Variants in CD84 observed in about 807,000 individuals in gnomAD.
CD84 encodes the protein SLAM family member 5.
Under a neutral mutation model 33.8 loss-of-function variants are expected in CD84, and 22 were observed. That is an observed-to-expected ratio of 0.65 (90% confidence interval 0.46 to 0.93). The LOEUF is 0.93. Among genes scored for constraint, CD84 ranks in the 40% least tolerant of loss-of-function variants. The pLI is 0.00. For synonymous variants in CD84, 154 were observed against 145.2 expected (o/e 1.06, Z -0.44); for missense variants, 400 against 397.6 (o/e 1.01, Z -0.05).
chr1:160,571,976 T>C (rs1005095006), intron 1 of CD84, among the ~76,000 whole-genome samples: 3 of 150,832 alleles, frequency 2.0e-5, no homozygotes, highest in Non-Finnish European at 4.5e-5. Context: ...TTAAGGAGGG[T>C]CACACCCTCA....
At chr1:160,560,173 G>A (rs1225538158) in intron 2 of CD84, among the ~76,000 whole-genome samples, 5 of 151,920 alleles carry the variant, frequency 3.3e-5, no homozygotes, top group South Asian at 2.1e-4. Flanking sequence ...CTCTCCACCC[G>A]AATTCCACAG....
At chr1:160,579,362 A>G in intron 1 of CD84, 30 bp downstream of exon 1, 1 of 1,612,908 alleles carries the variant, frequency 6.2e-7, no homozygotes, top group African/African-American at 1.3e-5. Context: ...ATGGAAAACT[A>G]GGAGGCGATC....
chr1:160,553,826 C>T lies in CD84; in HGVS notation c.640+69G>A, dbSNP rs2577388. ...ACATCTCCCTAGAGAATGTGGCCCA[C>T]GTTCAGACCTTGCAGCTCCTCAGAG... On this transcript the variant is annotated intron_variant, in intron 3 of 6. Transcript: ENST00000368054. 549 of 1,610,352 alleles carry T rather than the reference C, an allele frequency of 3.4e-4. 1 individual carries two copies. In the African/African-American group the frequency reaches 6.1e-3, roughly 18 times the overall value.
At chr1:160,576,160 C>CATACTTCCACAGGT (rs1294853811) in intron 1 of CD84, among the ~76,000 whole-genome samples, 11 of 152,224 alleles carry the variant, frequency 7.2e-5, no homozygotes, top group African/African-American at 2.6e-4. Context: ...GTTTTGTCAG[C>CATACTTCCACAGGT]ATACTTCCAC....
At chr1:160,548,898 C>T (rs748795134) in intron 6 of CD84, among the ~76,000 whole-genome samples, 1 of 152,092 alleles carries the variant, frequency 6.6e-6, no homozygotes, top group Non-Finnish European at 1.5e-5. Context: ...CGAATTTTAT[C>T]TCCTTCTAAG....
intron 6 of CD84, among the ~76,000 whole-genome samples, chr1:160,549,103 T>C (rs916384512): frequency 6.6e-6 from 1 of 152,100 alleles, no homozygotes; most frequent in African/African-American, 2.4e-5. Context: ...GTCCAGTCCA[T>C]TTGGCTTATC....
intron 2 of CD84, among the ~76,000 whole-genome samples, chr1:160,556,504 A>G (rs560109660): frequency 2.0e-5 from 3 of 152,380 alleles, no homozygotes; most frequent in African/African-American, 7.2e-5. Flanking sequence ...CTATGCTGGT[A>G]TGCACATTAA....
chr1:160,552,924 T>C, intron 4 of CD84: 1 of 610,376 alleles, frequency 1.6e-6, no homozygotes, highest in Non-Finnish European at 3.0e-6. Context: ...TACAGAATGA[T>C]CCAGAGGGAT....
chr1:160,553,126 G>A (rs1005221848), intron 4 of CD84: 2 of 623,042 alleles, frequency 3.2e-6, no homozygotes, highest in Non-Finnish European at 5.8e-6. Context: ...GCTTGTTCAT[G>A]TATGTACTAA....
rs1656360701 is a variant in CD84, at chr1:160,553,279, T to G, written c.760+99A>C. On this transcript the variant is annotated intron_variant, in intron 4 of 6. Transcript: ENST00000368054. ...GGAGATCGGAAAAAGGCAGATTCCC[T>G]GGAACAATGGGCCTTTCAGCTAAAC... The G allele has an allele frequency of 8.7e-6, 14 of 1,601,270 alleles. 1 individual carries two copies. The highest frequency in any genetic ancestry group is 1.2e-5 in the Non-Finnish European group (14 of 1,170,820).
intron 2 of CD84, among the ~76,000 whole-genome samples, chr1:160,560,170 C>T (rs1037352051): frequency 6.6e-6 from 1 of 152,142 alleles, no homozygotes; most frequent in African/African-American, 2.4e-5. Flanking sequence ...GAACTCTCCA[C>T]CCGAATTCCA....
chr1:160,574,712 A>G (rs1303632460), intron 1 of CD84, among the ~76,000 whole-genome samples: 1 of 152,084 alleles, frequency 6.6e-6, no homozygotes, highest in East Asian at 1.9e-4. Context: ...CTGGCCATGA[A>G]CCCCAGGGAA....
chr1:160,562,984 A>G (rs1261016175), intron 2 of CD84, among the ~76,000 whole-genome samples: 1 of 152,236 alleles, frequency 6.6e-6, no homozygotes, highest in Admixed American at 6.5e-5. Flanking sequence ...CAAACATGTG[A>G]AAAAAAGCTA....
In CD84 at chr1:160,548,193, A is replaced by G. The variant is rs1571342859; in HGVS notation, c.*63T>C. On this transcript the variant is annotated 3_prime_UTR_variant, in exon 7 of 7. Coordinates refer to ENST00000368054, the MANE Select transcript of CD84 (RefSeq NM_003874.4). ...AGTTGGGCAGAGAAGATCTGGATCC[A>G]GGGAACCTGCCAGTATTGGTGGTTG... The G allele has an allele frequency of 1.3e-6, 2 of 1,553,860 alleles. No homozygotes were observed. Among genetic ancestry groups the G allele is most frequent in the Admixed American group, 3.4e-5 (2 of 59,644 alleles).
Position 160,565,699 on chromosome 1 carries a change from C to T in CD84, c.93G>A (p.Gly31=), listed in dbSNP as rs758092991. The stretch of plus-strand genomic sequence containing the variant: ...GGAAAGTGACTGACTCTCCCAGAAT[C>T]CCATTCACTGTGAAGATTTCTGAGT... ...GKDSEIFTVN[G]ILGESVTFPV... Residue 31 remains glycine (G), a synonymous_variant, in exon 2 of 7, where the codon GGG becomes GGA. Transcript: ENST00000368054. 1.2e-6 allele frequency: 2 copies of T among 1,613,130 alleles called. No homozygotes were observed. Among genetic ancestry groups the T allele is most frequent in the South Asian group, 1.1e-5 (1 of 91,018 alleles).
intron 2 of CD84, among the ~76,000 whole-genome samples, chr1:160,555,227 G>T (rs1416565505): frequency 6.6e-6 from 1 of 151,856 alleles, no homozygotes; most frequent in Non-Finnish European, 1.5e-5. Context: ...GGGACTACAG[G>T]TGCCCACCAC....
At position 160,546,752 on chromosome 1, in the gene CD84, A is replaced by T. The variant is rs3733264; in HGVS notation, c.*1504T>A. The T allele has an allele frequency of 0.25, 43,617 of 173,704 alleles. 5,992 individuals are homozygous for T. Among genetic ancestry groups the T allele is most frequent in the Middle Eastern group, 0.33 (150 of 448 alleles). 10.8% of individuals were successfully genotyped at this position (173,704 alleles called of 1,614,324 possible). ...TCATAAGGTATTTTTCTGACTGTTC[A>T]TGCTATTACTTGCAGCTGCAGTTCA... On this transcript the variant is annotated 3_prime_UTR_variant, in exon 7 of 7. Coordinates refer to ENST00000368054, the MANE Select transcript of CD84 (RefSeq NM_003874.4).
rs569548203 is a variant in CD84, at chr1:160,553,601, C to T, written c.641-104G>A. The T allele has an allele frequency of 1.2e-4, 164 of 1,345,906 alleles. 3 individuals carry two copies. In the Middle Eastern group the frequency reaches 2.3e-3, roughly 19 times the overall value. The allele number at this position is 1,345,906 out of a possible 1,614,324, so 83.4% of individuals were successfully genotyped here. On this transcript the variant is annotated intron_variant, in intron 3 of 6. Coordinates refer to ENST00000368054, the MANE Select transcript of CD84 (RefSeq NM_003874.4). ...GGCATTATGAAAATTGGGTGCCCTCCGAAGGAGTGCCAAAGCTCCTAGGGA... is the reference window on the plus strand; with the variant it reads ...GGCATTATGAAAATTGGGTGCCCTCTGAAGGAGTGCCAAAGCTCCTAGGGA...
intron 2 of CD84, among the ~76,000 whole-genome samples, chr1:160,557,413 G>C (rs77425720): frequency 6.6e-6 from 1 of 152,190 alleles, no homozygotes; most frequent in Admixed American, 6.5e-5. Flanking sequence ...TTGGTGCTGG[G>C]AATACAGTGA....
Sources: allele counts gnomAD v4.1 joint callset (sites outside exome capture counted in the v4.1 genomes callset), GRCh38; gene constraint gnomAD v4.1.1; transcripts MANE v1.5; gene names NCBI Gene and HGNC (gene_info 2026-07-23, HGNC 2026-07-21).